The following SUGCT variants were observed in gnomAD, a reference collection of about 807,000 sequenced individuals.
The protein encoded by SUGCT is succinyl-CoA:glutarate CoA-transferase.
Under a neutral mutation model 55.0 loss-of-function variants are expected in SUGCT, and 41 were observed. That is an observed-to-expected ratio of 0.74 (90% CI 0.58 to 0.97). The LOEUF (loss-of-function observed/expected upper bound fraction) is 0.97. Among genes scored for constraint, SUGCT ranks in the 50% least tolerant of loss-of-function variants. SUGCT has a pLI of 0.00. For synonymous variants in SUGCT, 187 were observed against 200.4 expected, an observed-to-expected ratio of 0.93 and a Z score of 0.56; for missense variants, 568 against 547.8, an observed-to-expected ratio of 1.04 and a Z score of -0.37.
intron 12 of SUGCT, among the ~76,000 whole-genome samples, chr7:40,620,285 C>T (rs1215174091): frequency 6.6e-6 from 1 of 152,316 alleles, no homozygotes; most frequent in South Asian, 2.1e-4. Flanking sequence ...CTTGTTCAAG[C>T]ACATTGAATT....
At chr7:40,898,056 T>C in the SUGCT span, among the ~76,000 whole-genome samples, 1 of 152,160 alleles carries the variant, frequency 6.6e-6, no homozygotes, top group Non-Finnish European at 1.5e-5. Flanking sequence ...TTGATGCTGC[T>C]TATTCCTTGG....
At chr7:40,794,832 C>G (rs1179265778) in intron 13 of SUGCT, among the ~76,000 whole-genome samples, 1 of 151,980 alleles carries the variant, frequency 6.6e-6, no homozygotes, top group Non-Finnish European at 1.5e-5. Context: ...CACCATATTT[C>G]CATAAATAGA....
At chr7:40,817,956 G>A (rs1413966710) in intron 13 of SUGCT, among the ~76,000 whole-genome samples, 3 of 152,124 alleles carry the variant, frequency 2.0e-5, no homozygotes, top group East Asian at 1.9e-4. Flanking sequence ...GCTAAGAAAT[G>A]TTCATTCAGG....
chr7:40,389,885 A>G (rs1204781405), intron 9 of SUGCT, among the ~76,000 whole-genome samples: 1 of 152,234 alleles, frequency 6.6e-6, no homozygotes. Context: ...AAAATGCTCA[A>G]TAAAATACTG....
intron 9 of SUGCT, among the ~76,000 whole-genome samples, chr7:40,351,809 T>C (rs968828089): frequency 6.6e-6 from 1 of 152,354 alleles, no homozygotes; most frequent in Non-Finnish European, 1.5e-5. Flanking sequence ...TATGGCTTTC[T>C]CAAATGATAT....
chr7:40,798,397 A>G (rs1790650325), intron 13 of SUGCT, among the ~76,000 whole-genome samples: 1 of 152,186 alleles, frequency 6.6e-6, no homozygotes. Flanking sequence ...TCCTTTGAGA[A>G]CTGTATAGAA....
chr7:40,450,647 A>G (rs1789138468), intron 10 of SUGCT, among the ~76,000 whole-genome samples: 1 of 151,942 alleles, frequency 6.6e-6, no homozygotes, highest in South Asian at 2.1e-4. Flanking sequence ...TGTGGCAGCC[A>G]TGCGCCTGTA....
intron 9 of SUGCT, among the ~76,000 whole-genome samples, chr7:40,367,279 G>A (rs557190082): frequency 7.8e-6 from 1 of 128,514 alleles, no homozygotes; most frequent in Non-Finnish European, 1.6e-5. Context: ...GTGGGGGGAG[G>A]GGGGGAGGAA....
At chr7:40,693,659 A>G (rs577416438) in intron 12 of SUGCT, among the ~76,000 whole-genome samples, 6 of 152,300 alleles carry the variant, frequency 3.9e-5, no homozygotes, top group African/African-American at 1.4e-4. Context: ...ATAATCATGA[A>G]ATAAATATCA....
At chr7:40,383,012 A>G (rs761624484) in intron 9 of SUGCT, among the ~76,000 whole-genome samples, 24 of 152,186 alleles carry the variant, frequency 1.6e-4, no homozygotes, top group Admixed American at 3.3e-4. Flanking sequence ...GTCAGAAATA[A>G]ATAGAAATTG....
intron 12 of SUGCT, among the ~76,000 whole-genome samples, chr7:40,655,837 C>T (rs565509784): frequency 2.0e-5 from 3 of 152,176 alleles, no homozygotes; most frequent in Admixed American, 1.3e-4. Context: ...ACTTTTAAAT[C>T]CATGTATATG....
chr7:40,594,485 G>A (rs1797899874), intron 12 of SUGCT, among the ~76,000 whole-genome samples: 1 of 152,046 alleles, frequency 6.6e-6, no homozygotes, highest in African/African-American at 2.4e-5. Flanking sequence ...CTAGGAATTT[G>A]CCCATTTCAA....
the SUGCT span, among the ~76,000 whole-genome samples, chr7:40,899,538 C>G: frequency 6.6e-6 from 1 of 152,128 alleles, no homozygotes; most frequent in African/African-American, 2.4e-5. Flanking sequence ...CAACAACAAA[C>G]AAAACTCATA....
the SUGCT span, among the ~76,000 whole-genome samples, chr7:40,950,563 C>T: frequency 0.38 from 57,466 of 151,290 alleles, 11,507 homozygotes; most frequent in Admixed American, 0.49. Flanking sequence ...TTCCCATTTT[C>T]GCCCATTCAG....
At chr7:40,921,434 G>A in the SUGCT span, among the ~76,000 whole-genome samples, 3 of 152,154 alleles carry the variant, frequency 2.0e-5, no homozygotes, top group Admixed American at 6.5e-5. Context: ...CCTCCATGGA[G>A]GTAGAGAGAG....
At chr7:40,866,203 C>T in the SUGCT span, among the ~76,000 whole-genome samples, 14 of 152,144 alleles carry the variant, frequency 9.2e-5, no homozygotes, top group Admixed American at 2.0e-4. Context: ...TTTCTTTCCA[C>T]CCCTCTTACC....
At chr7:40,924,591 A>G in the SUGCT span, among the ~76,000 whole-genome samples, 3 of 152,164 alleles carry the variant, frequency 2.0e-5, no homozygotes, top group Non-Finnish European at 4.4e-5. Context: ...AAGATGCTCC[A>G]GGACTGGCTT....
intron 1 of SUGCT, among the ~76,000 whole-genome samples, chr7:40,168,719 CA>C (rs1784534971): frequency 6.6e-6 from 1 of 152,180 alleles, no homozygotes; most frequent in Non-Finnish European, 1.5e-5. Flanking sequence ...TAGCTGCAGG[CA>C]AAAGTATTTT....
Position 40,640,250 on chromosome 7 carries a change from A to G in SUGCT, c.1090-109184A>G, listed in dbSNP as rs148860928. On this transcript the variant is annotated intron_variant, in intron 12 of 13. Coordinates refer to ENST00000335693, the MANE Select transcript of SUGCT (RefSeq NM_001193313.2). ...CACATGGCTTCCATAAGCATGATAT[A>G]TGTTTATACCTTTAGTATGTTTTGA... Among the ~76,000 whole-genome samples the G allele has an allele frequency of 2.9e-3, 441 of 152,314 alleles. 3 individuals are homozygous for G. Among genetic ancestry groups the G allele is most frequent in the African/African-American group, 0.01 (419 of 41,570 alleles).
Sources: allele counts gnomAD v4.1 joint callset (sites outside exome capture counted in the v4.1 genomes callset), GRCh38; gene constraint gnomAD v4.1.1; transcripts MANE v1.5; gene names NCBI Gene and HGNC (gene_info 2026-07-23, HGNC 2026-07-21).